The following SAMD12 variants were observed in gnomAD, a reference collection of about 807,000 sequenced individuals.
The protein encoded by SAMD12 is sterile alpha motif domain-containing protein 12.
In SAMD12, 9 loss-of-function variants were observed where a neutral mutation model predicts 15.0. The ratio of observed to expected loss-of-function variants is 0.60; its 90% CI spans 0.36 to 1.05. SAMD12 has a LOEUF of 1.05. Ranked by LOEUF, SAMD12 falls within the 50% of genes least tolerant of loss-of-function variation. SAMD12 has a pLI of 0.01. For missense variants in SAMD12, 230 were observed against 234.2 expected, an observed-to-expected ratio of 0.98 and a Z score of 0.12; for synonymous variants, 86 against 90.1, an observed-to-expected ratio of 0.96 and a Z score of 0.25.
At chr8:118,417,162 C>G (rs1179858538) in intron 3 of SAMD12, among the ~76,000 whole-genome samples, 1 of 151,894 alleles carries the variant, frequency 6.6e-6, no homozygotes, top group Non-Finnish European at 1.5e-5. Context: ...CTCCCTGTAA[C>G]CTCAAATTCC....
In SAMD12 at chr8:118,292,564, T is replaced by G. The variant is rs999026653; in HGVS notation, c.433+86996A>C. Among the ~76,000 whole-genome samples the G allele has an allele frequency of 3.3e-5, 5 of 152,154 alleles. No individual in the cohort carries two copies. The South Asian group carries it at 8.3e-4, about 25-fold the overall frequency. On this transcript the variant is annotated intron_variant, in intron 4 of 4. Transcript: ENST00000409003. Reference sequence around the variant, plus strand: ...TCCCATTACTGGGTATATACCCAAATGACTATAAATCATGCTGCTATAAAG... The same window carrying G: ...TCCCATTACTGGGTATATACCCAAAGGACTATAAATCATGCTGCTATAAAG...
intron 4 of SAMD12, among the ~76,000 whole-genome samples, chr8:118,288,579 T>TA (rs1216907546): frequency 6.6e-6 from 1 of 152,062 alleles, no homozygotes; most frequent in Non-Finnish European, 1.5e-5. Context: ...CAAACACTTC[T>TA]AAAAAAAGCA....
intron 1 of SAMD12, among the ~76,000 whole-genome samples, chr8:118,589,700 C>A (rs141624131): frequency 2.0e-3 from 308 of 152,306 alleles, no homozygotes; most frequent in African/African-American, 6.3e-3. Flanking sequence ...GTGGTCTACA[C>A]TGGTGACTTT....
chr8:118,274,140 G>C (rs1384495984), intron 4 of SAMD12, among the ~76,000 whole-genome samples: 1 of 152,162 alleles, frequency 6.6e-6, no homozygotes, highest in Admixed American at 6.6e-5. Context: ...GAAATTTGTA[G>C]ATGACCAAGT....
chr8:118,566,152 A>G (rs1296106350), intron 2 of SAMD12, among the ~76,000 whole-genome samples: 1 of 152,180 alleles, frequency 6.6e-6, no homozygotes, highest in Non-Finnish European at 1.5e-5. Flanking sequence ...CCCCAATATC[A>G]TTCTGAGCCA....
At chr8:118,340,647 T>C (rs1037005885) in intron 4 of SAMD12, among the ~76,000 whole-genome samples, 10 of 152,082 alleles carry the variant, frequency 6.6e-5, no homozygotes, top group African/African-American at 2.2e-4. Flanking sequence ...TGCATGGCTA[T>C]AGTTCCAGCT....
intron 4 of SAMD12, among the ~76,000 whole-genome samples, chr8:118,214,619 G>A (rs965258737): frequency 6.6e-6 from 1 of 152,340 alleles, no homozygotes; most frequent in Admixed American, 6.5e-5. Flanking sequence ...GCTATTTACT[G>A]TGGGTATAGA....
chr8:118,371,300 G>A (rs942024880), intron 4 of SAMD12, among the ~76,000 whole-genome samples: 5 of 152,152 alleles, frequency 3.3e-5, no homozygotes, highest in Non-Finnish European at 7.4e-5. Flanking sequence ...GGCAATAGAA[G>A]TGGGAAGTTA....
At chr8:118,428,831 C>G (rs148609604) in intron 3 of SAMD12, among the ~76,000 whole-genome samples, 41 of 151,936 alleles carry the variant, frequency 2.7e-4, no homozygotes, top group African/African-American at 9.2e-4. Context: ...ACCATATTAC[C>G]TTGGTTATTG....
intron 4 of SAMD12, among the ~76,000 whole-genome samples, chr8:118,202,539 A>G (rs535064177): frequency 6.6e-6 from 1 of 152,330 alleles, no homozygotes; most frequent in East Asian, 1.9e-4. Flanking sequence ...AAAAGGTTCA[A>G]TAACAGATCT....
At chr8:118,548,883 C>A (rs1019343581) in intron 2 of SAMD12, among the ~76,000 whole-genome samples, 3 of 152,266 alleles carry the variant, frequency 2.0e-5, no homozygotes, top group Non-Finnish European at 2.9e-5. Flanking sequence ...ATATCCCGCA[C>A]CTGGCTTGGA....
At chr8:118,139,970 A>T in the SAMD12 span, among the ~76,000 whole-genome samples, 12 of 152,158 alleles carry the variant, frequency 7.9e-5, no homozygotes, top group Non-Finnish European at 8.8e-5. Context: ...AAGGCGCTGG[A>T]CTTCCTTTCC....
chr8:118,205,176 T>C (rs891317765), intron 4 of SAMD12, among the ~76,000 whole-genome samples: 1 of 152,244 alleles, frequency 6.6e-6, no homozygotes, highest in African/African-American at 2.4e-5. Flanking sequence ...AAATTCAGAC[T>C]GGAACCATAC....
the SAMD12 span, among the ~76,000 whole-genome samples, chr8:118,183,397 T>C: frequency 5.3e-5 from 8 of 152,342 alleles, no homozygotes; most frequent in South Asian, 1.7e-3. Context: ...ATTGGGTACA[T>C]TTTTTGAAAA....
At chr8:118,166,688 G>A in the SAMD12 span, among the ~76,000 whole-genome samples, 1 of 152,144 alleles carries the variant, frequency 6.6e-6, no homozygotes, top group Non-Finnish European at 1.5e-5. Flanking sequence ...TTAATTTAAT[G>A]CATATAAAAT....
intron 2 of SAMD12, among the ~76,000 whole-genome samples, chr8:118,451,191 T>G (rs1203764204): frequency 6.6e-6 from 1 of 152,218 alleles, no homozygotes; most frequent in Non-Finnish European, 1.5e-5. Context: ...TCAAACTTCA[T>G]GCTTACGTCA....
chr8:118,171,291 G>A, the SAMD12 span, among the ~76,000 whole-genome samples: 1 of 152,142 alleles, frequency 6.6e-6, no homozygotes, highest in Non-Finnish European at 1.5e-5. Context: ...TTAGCATATA[G>A]TTATCATGTG....
Position 118,191,756 on chromosome 8 carries a change from T to TTCTCTC in SAMD12, c.*5953_*5954insGAGAGA, listed in dbSNP as rs1819380190. 68 of 15,352 alleles carry TTCTCTC rather than the reference T, an allele frequency of 4.4e-3. 8 individuals carry two copies. The highest frequency in any genetic ancestry group is 0.013 in the African/African-American group (62 of 4,664). 1.0% of individuals were successfully genotyped at this position (15,352 alleles called of 1,614,324 possible). On this transcript the variant is annotated 3_prime_UTR_variant, in exon 5 of 5. Transcript: ENST00000409003. ...TGTGGTTGAAAAAAAATACTGGAGA[T>TTCTCTC]TATATATATATATATATATATATAT...
chr8:118,379,833 T>C (rs1819583118), intron 3 of SAMD12, 133 bp from the exon 4 acceptor site: 1 of 1,091,454 alleles, frequency 9.2e-7, no homozygotes, highest in African/African-American at 1.6e-5. Context: ...ATAAAGGTCT[T>C]CCATTATTAT....
Sources: gnomAD v4.1 joint callset for allele counts (sites outside exome capture counted in the v4.1 genomes callset) on GRCh38, gnomAD v4.1.1 for gene constraint, MANE v1.5 for transcripts, NCBI Gene and HGNC (gene_info 2026-07-23, HGNC 2026-07-21) for gene names.